Variants in HP1BP3 observed in about 807,000 individuals in gnomAD.
The protein encoded by HP1BP3 is heterochromatin protein 1-binding protein 3.
In HP1BP3, 12 loss-of-function variants were observed where a neutral mutation model predicts 62.5. The observed-to-expected ratio is 0.19, with a 90% confidence interval of 0.12 to 0.31. HP1BP3 has a LOEUF of 0.31. Among genes scored for constraint, HP1BP3 ranks in the 10% least tolerant of loss-of-function variants. The pLI is 1.00. For synonymous variants in HP1BP3, 260 were observed against 237.8 expected, an observed-to-expected ratio of 1.09 and a Z score of -0.86; for missense variants, 502 against 651.8, an observed-to-expected ratio of 0.77 and a Z score of 2.50.
At chr1:20,745,138 T>C in intron 12 of HP1BP3, 47 bp from the exon 13 acceptor site, 2 of 1,540,656 alleles carry the variant, frequency 1.3e-6, no homozygotes, top group Non-Finnish European at 1.7e-6. Flanking sequence ...CTTAAGAGAT[T>C]CGTTTTGTTG....
chr1:20,772,180 T>C (rs2057090646), intron 5 of HP1BP3, among the ~76,000 whole-genome samples: 2 of 152,230 alleles, frequency 1.3e-5, no homozygotes, highest in South Asian at 2.1e-4. Context: ...GTAGACATCA[T>C]GATTCCTGTT....
rs575955175 is a variant in HP1BP3 at position 20,743,116 on chromosome 1, CCTTTT to C, written c.*1676_*1680del. On this transcript the variant is annotated 3_prime_UTR_variant, in exon 13 of 13. Coordinates refer to ENST00000438032, the MANE Select transcript of HP1BP3 (RefSeq NM_001372052.1). ...GTAGTTGGGCTTCATTTACTTTTTT[CCTTTT>C]CTTTTTTTTTTTAATATCTCAAAAA... 1.9e-3 allele frequency: 292 copies of C among 151,218 alleles called. No individual in the cohort carries two copies. The highest frequency in any genetic ancestry group is 6.7e-3 in the African/African-American group (275 of 41,228). 9.4% of individuals were successfully genotyped at this position (151,218 alleles called of 1,614,324 possible). A position where few individuals can be genotyped will look rare whatever the true frequency, so the allele number is the denominator to read the frequency against.
At position 20,773,566 on chromosome 1, in the gene HP1BP3, G is replaced by T; in HGVS notation, c.395C>A (p.Thr132Lys). 6.2e-7 allele frequency: 1 copy of T among 1,609,224 alleles called. No individual in the cohort carries two copies. The highest frequency in any genetic ancestry group is 8.5e-7 in the Non-Finnish European group (1 of 1,177,284). Residue 132 changes from threonine (T) to lysine (K), a missense_variant, in exon 5 of 13, where the codon ACA becomes AAA. Around this residue, in one of 5 missense-constraint regions of HP1BP3, gnomAD observed 7 missense variants for 23.9 expected, o/e 0.29. Coordinates refer to ENST00000438032, the MANE Select transcript of HP1BP3 (RefSeq NM_001372052.1). ...SKEKEKKVKK[T>K]IPSWATLSAS... ...AGAAAGGGTAGCCCAGGAAGGAATT[G>T]TTTTTTTCACTTTCTTCTCCTTTTC...
rs1026329928 is a variant in HP1BP3 at position 20,748,524 on chromosome 1, A to C, written c.1142-869T>G. Among the ~76,000 whole-genome samples the C allele has an allele frequency of 8.4e-4, 128 of 152,254 alleles. 1 individual carries two copies. Among genetic ancestry groups the C allele is most frequent in the Non-Finnish European group, 1.4e-3 (96 of 68,048 alleles). ...CACTTTGGGAGGCCGAGGCCGGCAG[A>C]TCACGAGGTAAGGAGATTGAGATCA... On this transcript the variant is annotated intron_variant, in intron 10 of 12. Coordinates refer to ENST00000438032, the MANE Select transcript of HP1BP3 (RefSeq NM_001372052.1).
intron 1 of HP1BP3, among the ~76,000 whole-genome samples, chr1:20,786,992 C>G (rs1302262110): frequency 6.6e-6 from 1 of 151,992 alleles, no homozygotes; most frequent in Non-Finnish European, 1.5e-5. Context: ...GGGCAGGGGG[C>G]TAGGTCGCAG....
rs76580450 is a variant in HP1BP3, at chr1:20,768,875, T to A, written c.655-1211A>T. On this transcript the variant is annotated intron_variant, in intron 6 of 12. Coordinates refer to ENST00000438032, the MANE Select transcript of HP1BP3 (RefSeq NM_001372052.1). Reference sequence around the variant, plus strand: ...AACTAAAGTCCTCCACAGCTTAGTTTTACCTACACTGCTATCAATGCAGCA... The same window carrying A: ...AACTAAAGTCCTCCACAGCTTAGTTATACCTACACTGCTATCAATGCAGCA... Among the ~76,000 whole-genome samples the A allele has an allele frequency of 9.1e-3, 1,391 of 152,214 alleles. 10 individuals carry two copies. Among genetic ancestry groups the A allele is most frequent in the Non-Finnish European group, 0.013 (899 of 68,014 alleles).
At chr1:20,750,768 T>C (rs992513803) in intron 9 of HP1BP3, among the ~76,000 whole-genome samples, 2 of 151,316 alleles carry the variant, frequency 1.3e-5, no homozygotes, top group African/African-American at 4.9e-5. Flanking sequence ...GATAAAGACA[T>C]GTACGATCAT....
intron 6 of HP1BP3, among the ~76,000 whole-genome samples, 189 bp downstream of exon 6, chr1:20,770,741 C>T (rs1268369380): frequency 6.6e-6 from 1 of 152,162 alleles, no homozygotes; most frequent in Non-Finnish European, 1.5e-5. Context: ...AAAAAAGTTA[C>T]ACTATCTTAA....
intron 8 of HP1BP3, among the ~76,000 whole-genome samples, chr1:20,763,599 A>C (rs983173005): frequency 1.3e-5 from 2 of 152,212 alleles, no homozygotes; most frequent in Non-Finnish European, 2.9e-5. Context: ...AATCTGGATT[A>C]AACATAATTT....
At chr1:20,749,649 G>A in intron 10 of HP1BP3, 74 bp downstream of exon 10, 1 of 1,425,152 alleles carries the variant, frequency 7.0e-7, no homozygotes, top group Admixed American at 2.0e-5. Context: ...GTGAGCCACA[G>A]TGCCTGGCCC....
In HP1BP3 at chr1:20,747,658, G is replaced by A. The variant is rs2055425763; in HGVS notation, c.1142-3C>T. On this transcript the variant is annotated splice_polypyrimidine_tract_variant and splice_region_variant and intron_variant, in intron 10 of 12. Transcript: ENST00000438032. ...CAGGGTTTTTTTCAGCAAATGCACT[G>A]AAAAAAAAAATTCAGAAATGAAAGT... 6 of 1,506,570 alleles carry A rather than the reference G, an allele frequency of 4.0e-6. No homozygotes were observed. The highest frequency in any genetic ancestry group is 3.8e-5 in the Admixed American group (2 of 52,566). 93.3% of individuals were successfully genotyped at this position (1,506,570 alleles called of 1,614,324 possible). A position where few individuals can be genotyped will look rare whatever the true frequency, so the allele number is the denominator to read the frequency against.
intron 9 of HP1BP3, among the ~76,000 whole-genome samples, chr1:20,756,946 G>A (rs2056148899): frequency 6.6e-6 from 1 of 152,152 alleles, no homozygotes; most frequent in African/African-American, 2.4e-5. Flanking sequence ...CCAACCGCAG[G>A]TGATCCACCT....
chr1:20,785,602 C>T (rs1280234263), intron 1 of HP1BP3, among the ~76,000 whole-genome samples: 1 of 152,140 alleles, frequency 6.6e-6, no homozygotes, highest in Non-Finnish European at 1.5e-5. Context: ...CTGTTTTGGG[C>T]ATAGATACTA....
intron 1 of HP1BP3, among the ~76,000 whole-genome samples, chr1:20,785,481 A>C (rs988610722): frequency 7.9e-5 from 12 of 152,206 alleles, no homozygotes; most frequent in African/African-American, 2.9e-4. Context: ...CATTCACTAC[A>C]CTCAGATTTA....
chr1:20,781,441 C>T (rs982152260), intron 1 of HP1BP3, among the ~76,000 whole-genome samples: 2 of 152,024 alleles, frequency 1.3e-5, no homozygotes, highest in African/African-American at 4.8e-5. Flanking sequence ...AGGATAAATC[C>T]GGAAGATTGA....
At chr1:20,785,843 T>C (rs1482119485) in intron 1 of HP1BP3, among the ~76,000 whole-genome samples, 3 of 152,136 alleles carry the variant, frequency 2.0e-5, no homozygotes, top group African/African-American at 7.2e-5. Flanking sequence ...CAATGAAAAA[T>C]CAAAAAGCTA....
intron 9 of HP1BP3, among the ~76,000 whole-genome samples, chr1:20,754,105 A>T (rs1035572957): frequency 2.6e-5 from 4 of 152,218 alleles, no homozygotes; most frequent in Admixed American, 1.3e-4. Context: ...CTGTATGTAG[A>T]AAACTGTAAG....
At chr1:20,785,746 A>G (rs979833549) in intron 1 of HP1BP3, among the ~76,000 whole-genome samples, 10 of 152,242 alleles carry the variant, frequency 6.6e-5, no homozygotes, top group Non-Finnish European at 1.5e-4. Context: ...AAGCAAGCTT[A>G]AAAACAAAGC....
intron 8 of HP1BP3, among the ~76,000 whole-genome samples, chr1:20,758,519 T>C (rs2056266669): frequency 6.6e-6 from 1 of 152,160 alleles, no homozygotes. Context: ...GCTAATTTTT[T>C]GTACTTTTAG....
Sources: allele counts gnomAD v4.1 joint callset (sites outside exome capture counted in the v4.1 genomes callset), GRCh38; gene constraint gnomAD v4.1.1; regional missense constraint gnomAD v4.1.1; transcripts MANE v1.5; gene names NCBI Gene and HGNC (gene_info 2026-07-23, HGNC 2026-07-21).